The following NBEA variants were observed in gnomAD, a reference collection of about 807,000 sequenced individuals.
NBEA encodes neurobeachin.
NBEA carries 44 observed loss-of-function variants against 343.4 expected under a neutral mutation model. That is an observed-to-expected ratio of 0.13 (90% CI 0.10 to 0.16). The LOEUF (loss-of-function observed/expected upper bound fraction) is 0.16, where lower values mean the gene tolerates loss of function less well. Among genes scored for constraint, NBEA ranks in the 10% least tolerant of loss-of-function variants. The probability of loss-of-function intolerance (pLI) is 1.00; values close to 1 mark genes in which losing one functional copy is unlikely to be tolerated. For synonymous variants in NBEA, 1,175 were observed against 1,238.7 expected, an observed-to-expected ratio of 0.95 and a Z score of 1.08; for missense variants, 2,555 against 3,631.3, an observed-to-expected ratio of 0.70 and a Z score of 7.62.
At chr13:35,076,718 A>G (rs1159974353) in intron 10 of NBEA, among the ~76,000 whole-genome samples, 1 of 152,060 alleles carries the variant, frequency 6.6e-6, no homozygotes, top group Non-Finnish European at 1.5e-5. Context: ...GACCATGGAC[A>G]CATCTTCACT....
chr13:34,974,058 G>C (rs1005861409), intron 1 of NBEA, among the ~76,000 whole-genome samples: 2 of 152,176 alleles, frequency 1.3e-5, no homozygotes, highest in African/African-American at 2.4e-5. Flanking sequence ...CGTGGGAGAA[G>C]CATGGCATGG....
intron 38 of NBEA, among the ~76,000 whole-genome samples, chr13:35,359,830 G>A (rs990077250): frequency 2.2e-5 from 3 of 134,102 alleles, no homozygotes; most frequent in African/African-American, 8.7e-5. Context: ...GTGTGTGTGT[G>A]TATGTGTGTG....
intron 14 of NBEA, 149 bp downstream of exon 14, chr13:35,117,642 A>T (rs2066566867): frequency 3.1e-6 from 1 of 326,416 alleles, no homozygotes; most frequent in African/African-American, 2.2e-5. Flanking sequence ...ACTTTTATTG[A>T]ACTTAACTAA....
At chr13:35,429,787 CCT>C (rs2044967944) in intron 38 of NBEA, among the ~76,000 whole-genome samples, 1 of 140,180 alleles carries the variant, frequency 7.1e-6, no homozygotes, top group Non-Finnish European at 1.5e-5. Flanking sequence ...CACCCTTTCC[CCT>C]GAGTCCCCAA....
At chr13:35,118,079 A>G (rs1355443033) in intron 14 of NBEA, 149 bp from the exon 15 acceptor site, 2 of 484,114 alleles carry the variant, frequency 4.1e-6, no homozygotes, top group East Asian at 3.4e-5. Flanking sequence ...AATACAGTCT[A>G]TAAATTGTGA....
At position 35,168,990 on chromosome 13, in the gene NBEA, T is replaced by C; in HGVS notation, c.4237T>C (p.Ser1413Pro). The change falls in exon 25 of 59, where the codon TCT becomes CCT. Residue 1413 changes from serine to proline, a missense_variant. By Grantham distance (74) the Ser-to-Pro change is moderately conservative (BLOSUM62 -1). This residue lies in a region of NBEA where 168 missense variants were observed against 193.0 expected (regional missense o/e 0.87). Transcript: ENST00000379939. Reference protein sequence around the residue: ...LLSAATSPTGSKTELENIEVT... With the variant: ...LLSAATSPTGPKTELENIEVT... ...GTTTTGTCTAATGCATGTCCAGGGT[T>C]CTAAGGTTAGTATTACTTTTGTAGT... The C allele has an allele frequency of 1.3e-6, 2 of 1,502,082 alleles. No individual in the cohort carries two copies. The highest frequency in any genetic ancestry group is 1.8e-6 in the Non-Finnish European group (2 of 1,128,468). The allele number at this position is 1,502,082 out of a possible 1,614,324, so 93.0% of individuals were successfully genotyped here.
intron 1 of NBEA, among the ~76,000 whole-genome samples, chr13:35,005,216 A>ATT (rs36067182): frequency 6.5e-4 from 95 of 145,318 alleles, no homozygotes; most frequent in Middle Eastern, 7.0e-3. Flanking sequence ...CACAGGGCAG[A>ATT]TTTTTTTTTT....
chr13:35,292,595 T>G (rs997869324), intron 35 of NBEA, among the ~76,000 whole-genome samples: 5 of 152,022 alleles, frequency 3.3e-5, no homozygotes, highest in African/African-American at 9.7e-5. Context: ...TGAGTTCTTT[T>G]TGTTTTGCTC....
At chr13:34,955,859 T>C (rs2059474315) in intron 1 of NBEA, among the ~76,000 whole-genome samples, 1 of 152,158 alleles carries the variant, frequency 6.6e-6, no homozygotes, top group African/African-American at 2.4e-5. Context: ...GCAATCTGTT[T>C]ATACAGTATA....
intron 36 of NBEA, among the ~76,000 whole-genome samples, chr13:35,325,585 C>A (rs751495361): frequency 6.6e-5 from 10 of 151,852 alleles, no homozygotes; most frequent in Non-Finnish European, 1.2e-4. Flanking sequence ...CCATCATAAG[C>A]ATAGGTGCAA....
At chr13:35,173,672 A>G in intron 27 of NBEA, 78 bp downstream of exon 27, 1 of 1,419,418 alleles carries the variant, frequency 7.0e-7, no homozygotes, top group Non-Finnish European at 9.6e-7. Context: ...ACAAAGTGCC[A>G]TGGTATTGCT....
At chr13:35,086,562 A>G (rs1028159859) in intron 10 of NBEA, among the ~76,000 whole-genome samples, 8 of 151,894 alleles carry the variant, frequency 5.3e-5, no homozygotes, top group African/African-American at 1.9e-4. Flanking sequence ...TTGCCTGTTG[A>G]TGGAAACTTA....
chr13:35,267,572 A>G (rs1245470594), intron 34 of NBEA, among the ~76,000 whole-genome samples: 1 of 151,926 alleles, frequency 6.6e-6, no homozygotes, highest in Admixed American at 6.6e-5. Context: ...AAGGCACTCC[A>G]CAGAAAGAGA....
At chr13:35,305,816 C>A (rs1403475459) in intron 35 of NBEA, among the ~76,000 whole-genome samples, 1 of 152,158 alleles carries the variant, frequency 6.6e-6, no homozygotes, top group East Asian at 1.9e-4. Context: ...GCAGAGCACA[C>A]CATCGGTGGG....
Position 35,048,658 on chromosome 13 carries a change from T to C in NBEA, c.819T>C (p.Val273=). 2 of 1,408,060 alleles carry C rather than the reference T, an allele frequency of 1.4e-6. No individual in the cohort carries two copies. Among genetic ancestry groups the C allele is most frequent in the Non-Finnish European group, 2.0e-6 (2 of 1,004,970 alleles). 87.2% of individuals were successfully genotyped at this position (1,408,060 alleles called of 1,614,324 possible). A position where few individuals can be genotyped will look rare whatever the true frequency, so the allele number is the denominator to read the frequency against. Residue 273 remains valine, a synonymous_variant, in exon 5 of 59, where the codon GTT becomes GTC. Transcript: ENST00000379939. The part of the protein sequence containing the change: ...FRMDPLNNIN[V]DKDKPYLYCF... ...TGGATCCATTAAATAATATTAATGT[T>C]GATAAGGATAAACCTTATCTTTATT...
At chr13:35,521,461 A>C (rs1237498780) in intron 41 of NBEA, among the ~76,000 whole-genome samples, 2 of 152,220 alleles carry the variant, frequency 1.3e-5, no homozygotes, top group African/African-American at 4.8e-5. Flanking sequence ...GGAGTAGCTC[A>C]TGAAATCCCA....
intron 38 of NBEA, among the ~76,000 whole-genome samples, chr13:35,410,006 G>T (rs535477598): frequency 6.6e-4 from 101 of 151,962 alleles, no homozygotes; most frequent in South Asian, 6.3e-3. Context: ...ATTAGTGGGG[G>T]ATCTTTTTGA....
chr13:35,323,964 GC>G (rs2152842661), intron 36 of NBEA, among the ~76,000 whole-genome samples: 1 of 152,188 alleles, frequency 6.6e-6, no homozygotes, highest in South Asian at 2.1e-4. Flanking sequence ...GCATACAAAA[GC>G]CAGTCAAGAT....
intron 24 of NBEA, among the ~76,000 whole-genome samples, chr13:35,165,869 G>A (rs1212918640): frequency 1.3e-5 from 2 of 151,698 alleles, no homozygotes; most frequent in Non-Finnish European, 2.9e-5. Context: ...ATTTTTAGTA[G>A]TTATGGGGTT....
Sources: gnomAD v4.1 joint callset for allele counts (sites outside exome capture counted in the v4.1 genomes callset) on GRCh38, gnomAD v4.1.1 for gene constraint, gnomAD v4.1.1 regional missense constraint, MANE v1.5 for transcripts, NCBI Gene and HGNC (gene_info 2026-07-23, HGNC 2026-07-21) for gene names.